LIPA: variants seen among roughly 807,000 people sequenced by gnomAD.
LIPA encodes lysosomal acid lipase/cholesteryl ester hydrolase.
In LIPA, 26 loss-of-function variants were observed where a neutral mutation model predicts 40.6. The ratio of observed to expected loss-of-function variants is 0.64; its 90% CI spans 0.47 to 0.89. LIPA has a LOEUF of 0.89. Ranked by LOEUF, LIPA falls within the 40% of genes least tolerant of loss-of-function variation. The pLI is 0.00. For missense variants in LIPA, 455 were observed against 479.6 expected (o/e 0.95, Z 0.48); for synonymous variants, 188 against 168.4 (o/e 1.12, Z -0.90).
intron 3 of LIPA, among the ~76,000 whole-genome samples, chr10:89,231,809 C>A (rs1477171243): frequency 6.6e-6 from 1 of 152,064 alleles, no homozygotes; most frequent in African/African-American, 2.4e-5. Flanking sequence ...AATAGAAATG[C>A]CAGGGCCATG....
intron 3 of LIPA, among the ~76,000 whole-genome samples, chr10:89,236,304 G>A (rs568555488): frequency 2.6e-5 from 4 of 152,326 alleles, no homozygotes; most frequent in South Asian, 2.1e-4. Context: ...GTGTACTACT[G>A]TAATAATTTT....
At chr10:89,220,530 T>G (rs1842684822) in intron 8 of LIPA, among the ~76,000 whole-genome samples, 1 of 152,106 alleles carries the variant, frequency 6.6e-6, no homozygotes, top group African/African-American at 2.4e-5. Context: ...ATTTGAGGAT[T>G]TTTGAAGGTT....
chr10:89,393,372 T>A (rs573337823), intron 2 of LIPA: 277 of 1,093,444 alleles, frequency 2.5e-4, no homozygotes, highest in Non-Finnish European at 3.0e-4. Flanking sequence ...GATCCACATC[T>A]GCTTGGGAAG....
chr10:89,276,440 A>G (rs929818680), intron 1 of LIPA, among the ~76,000 whole-genome samples: 1 of 152,256 alleles, frequency 6.6e-6, no homozygotes, highest in African/African-American at 2.4e-5. Context: ...AAAGTATCAC[A>G]CCACATTATG....
intron 2 of LIPA, chr10:89,378,216 T>A: frequency 6.8e-7 from 1 of 1,469,132 alleles, no homozygotes; most frequent in Non-Finnish European, 9.5e-7. Flanking sequence ...AGGGCCAATT[T>A]TTTGACAGGC....
chr10:89,226,952 T>C lies in LIPA; in HGVS notation c.481A>G (p.Asn161Asp). ...TACACTTGTTCTTGGCCAGTTTTAT[T>C]CAGAATGAAGTTAATGGAAGCTGGT... Reference protein sequence around the residue: ...DLPASINFILNKTGQEQVYYV... With the variant: ...DLPASINFILDKTGQEQVYYV... Residue 161 changes from asparagine to aspartate, a missense_variant, in exon 5 of 10, where the codon AAT (asparagine) becomes GAT (aspartate). Asn to Asp is a conservative substitution (Grantham distance 23). Coordinates refer to ENST00000336233, the MANE Select transcript of LIPA (RefSeq NM_000235.4). 6.2e-7 allele frequency: 1 copy of C among 1,613,680 alleles called. No individual in the cohort carries two copies. The highest frequency in any genetic ancestry group is 8.5e-7 in the Non-Finnish European group (1 of 1,179,684).
At chr10:89,236,206 A>G (rs940153757) in intron 3 of LIPA, among the ~76,000 whole-genome samples, 2 of 152,234 alleles carry the variant, frequency 1.3e-5, no homozygotes, top group African/African-American at 4.8e-5. Flanking sequence ...CAGACCAAAC[A>G]TGGTGCCATT....
chr10:89,393,426 C>A, intron 2 of LIPA: 1 of 672,898 alleles, frequency 1.5e-6, no homozygotes, highest in Non-Finnish European at 2.1e-6. Flanking sequence ...GGGAATTTCT[C>A]AGCTGATTTA....
At chr10:89,350,953 CTCTT>C (rs893116023) in intron 2 of LIPA, among the ~76,000 whole-genome samples, 16 of 152,200 alleles carry the variant, frequency 1.1e-4, no homozygotes, top group Non-Finnish European at 2.4e-4. Context: ...TGCTTACACA[CTCTT>C]TCATTTCTTT....
chr10:89,238,372 G>A (rs892567456), intron 3 of LIPA, among the ~76,000 whole-genome samples: 1 of 152,164 alleles, frequency 6.6e-6, no homozygotes, highest in African/African-American at 2.4e-5. Flanking sequence ...CAGGAGAAGG[G>A]TGGCAATTGC....
intron 1 of LIPA, among the ~76,000 whole-genome samples, chr10:89,265,494 G>A (rs1843231320): frequency 6.6e-6 from 1 of 152,246 alleles, no homozygotes; most frequent in East Asian, 1.9e-4. Flanking sequence ...TTTGAACAGT[G>A]TATAAGTAGC....
chr10:89,403,157 C>T, intron 2 of LIPA: 1 of 1,613,892 alleles, frequency 6.2e-7, no homozygotes, highest in Non-Finnish European at 8.5e-7. Context: ...TAGGGCTTTG[C>T]TACAAGGCAC....
intron 2 of LIPA, among the ~76,000 whole-genome samples, chr10:89,392,932 T>G (rs886921258): frequency 1.3e-5 from 2 of 152,190 alleles, no homozygotes; most frequent in Admixed American, 1.3e-4. Context: ...AGCATGAACT[T>G]GAGGAAGCTT....
chr10:89,361,144 C>T (rs1032409598), intron 2 of LIPA, among the ~76,000 whole-genome samples: 4 of 152,188 alleles, frequency 2.6e-5, no homozygotes, highest in Admixed American at 6.5e-5. Context: ...GGAGCTAGGA[C>T]TTCAGAGCAT....
intron 1 of LIPA, among the ~76,000 whole-genome samples, chr10:89,250,446 T>C (rs866246258): frequency 2.5e-4 from 38 of 152,190 alleles, no homozygotes; most frequent in African/African-American, 8.4e-4. Context: ...TCAGTGTGCA[T>C]TGGCAAAGCA....
intron 3 of LIPA, among the ~76,000 whole-genome samples, chr10:89,231,018 A>T (rs940636093): frequency 1.3e-5 from 2 of 152,228 alleles, no homozygotes; most frequent in African/African-American, 4.8e-5. Context: ...CAAGTGGTCA[A>T]ATAATTCATT....
chr10:89,294,989 GA>G (rs1843403691), intron 1 of LIPA, among the ~76,000 whole-genome samples: 2 of 78,020 alleles, frequency 2.6e-5, no homozygotes, highest in Admixed American at 1.5e-4. Context: ...AAAGAAAAAA[GA>G]AAAAAAGGAA....
At chr10:89,352,841 G>A (rs1294009239) in intron 2 of LIPA, among the ~76,000 whole-genome samples, 1 of 147,552 alleles carries the variant, frequency 6.8e-6, no homozygotes, top group Non-Finnish European at 1.5e-5. Context: ...TTGTCCATAA[G>A]GAAATTCCTT....
intron 2 of LIPA, among the ~76,000 whole-genome samples, chr10:89,389,253 A>G (rs1844229130): frequency 6.6e-6 from 1 of 152,252 alleles, no homozygotes; most frequent in African/African-American, 2.4e-5. Flanking sequence ...TCAAAGATGC[A>G]GGAACATGGA....
Sources: allele counts gnomAD v4.1 joint callset (sites outside exome capture counted in the v4.1 genomes callset), GRCh38; gene constraint gnomAD v4.1.1; transcripts MANE v1.5; gene names NCBI Gene and HGNC (gene_info 2026-07-23, HGNC 2026-07-21).